Variants in ATP2C2 observed in about 807,000 individuals in gnomAD.
ATP2C2 encodes the protein ATPase secretory pathway Ca2+ transporting 2, also known as calcium-transporting ATPase type 2C member 2.
ATP2C2 carries 171 observed loss-of-function variants against 110.8 expected under a neutral mutation model. The ratio of observed to expected loss-of-function variants is 1.54; its 90% CI spans 1.36 to 1.75. ATP2C2 has a LOEUF of 1.75. Among genes scored for constraint, ATP2C2 ranks in the 40% most tolerant of loss-of-function variants. The pLI is 0.00. For missense variants in ATP2C2, 1,963 were observed against 1,235.0 expected (o/e 1.59, Z -8.84); for synonymous variants, 804 against 508.4 (o/e 1.58, Z -7.82).
At chr16:84,461,156 G>A in intron 24 of ATP2C2, 1 of 286,962 alleles carries the variant, frequency 3.5e-6, no homozygotes, top group East Asian at 8.0e-5. Flanking sequence ...CACTCTAGAG[G>A]TGATTGTTTG....
At position 84,453,372 on chromosome 16, in the gene ATP2C2, G is replaced by C. The variant is rs117469689; in HGVS notation, c.1980+1G>C. On this transcript the variant is annotated splice_donor_variant, in intron 20 of 26. Coordinates refer to ENST00000262429, the MANE Select transcript of ATP2C2 (RefSeq NM_014861.4). LOFTEE classifies it high-confidence loss of function. ...AAAGCACAAGCTCAAAATCATCAAG[G>C]TTCGCTGGGCAAGGCAGGCACAGGC... The C allele has an allele frequency of 6.2e-7, 1 of 1,614,180 alleles. No homozygotes were observed. The highest frequency in any genetic ancestry group is 8.5e-7 in the Non-Finnish European group (1 of 1,180,012).
intron 2 of ATP2C2, among the ~76,000 whole-genome samples, chr16:84,403,083 G>C (rs1292229348): frequency 1.3e-5 from 2 of 151,860 alleles, no homozygotes; most frequent in African/African-American, 4.8e-5. Context: ...GTTGCTCCTG[G>C]TAGCCACTAA....
intron 11 of ATP2C2, 44 bp from the exon 12 acceptor site, chr16:84,439,122 T>A: frequency 1.2e-6 from 2 of 1,607,444 alleles, no homozygotes; most frequent in Non-Finnish European, 1.7e-6. Context: ...AGTCACACAC[T>A]CCTTAAATGT....
Position 84,412,386 on chromosome 16 carries a change from ATGTGTCTGTG to A in ATP2C2, c.515+1632_515+1641del, listed in dbSNP as rs1183713880. Among the ~76,000 whole-genome samples, 11 of 98,272 alleles carry A rather than the reference ATGTGTCTGTG, an allele frequency of 1.1e-4. No individual in the cohort carries two copies. In the East Asian group the frequency reaches 2.2e-3, roughly 20 times the overall value. The allele number at this position is 98,272 out of a possible 152,430, so 64.5% of individuals were successfully genotyped here. ...TGCATGTGTGTGTGCGTGTGTGTAT[ATGTGTCTGTG>A]TGTGTCTGTGCATGTGTCTGTGTAT... is the stretch of plus-strand genomic sequence containing the variant. On this transcript the variant is annotated intron_variant, in intron 6 of 26. Coordinates refer to ENST00000262429, the MANE Select transcript of ATP2C2 (RefSeq NM_014861.4).
intron 2 of ATP2C2, among the ~76,000 whole-genome samples, chr16:84,401,804 G>C (rs1042737410): frequency 8.6e-5 from 13 of 152,012 alleles, no homozygotes; most frequent in Non-Finnish European, 1.5e-5. Flanking sequence ...GATAGCTTTG[G>C]CTATTCTGGG....
At chr16:84,382,362 C>A (rs56321618) in intron 1 of ATP2C2, among the ~76,000 whole-genome samples, 10,683 of 152,274 alleles carry the variant, frequency 0.07, 487 homozygotes, top group Middle Eastern at 0.11. Flanking sequence ...ACATGTGCTA[C>A]ATTTTCTTTA....
intron 17 of ATP2C2, among the ~76,000 whole-genome samples, chr16:84,451,238 C>T (rs1224263380): frequency 6.6e-6 from 1 of 152,154 alleles, no homozygotes; most frequent in East Asian, 1.9e-4. Flanking sequence ...TATTCACTAC[C>T]ACAGAGCATT....
intron 1 of ATP2C2, among the ~76,000 whole-genome samples, chr16:84,380,173 A>G (rs914733133): frequency 1.3e-5 from 2 of 152,016 alleles, no homozygotes; most frequent in African/African-American, 4.8e-5. Context: ...AAAGTCTATA[A>G]ATAGCCAGTC....
rs910060412 is a variant in ATP2C2 at position 84,435,229 on chromosome 16, C to G, written c.987-3937C>G. Among the ~76,000 whole-genome samples, 128 of 152,346 alleles carry G rather than the reference C, an allele frequency of 8.4e-4. 1 individual carries two copies. Among genetic ancestry groups the G allele is most frequent in the African/African-American group, 2.9e-3 (122 of 41,580 alleles). Reference sequence around the variant, plus strand: ...CAACTCCTCTGAAATCAGATCACTTCTAATAAGTGATGTAATTAGAAAACA... The same window carrying G: ...CAACTCCTCTGAAATCAGATCACTTGTAATAAGTGATGTAATTAGAAAACA... On this transcript the variant is annotated intron_variant, in intron 11 of 26. Coordinates refer to ENST00000262429, the MANE Select transcript of ATP2C2 (RefSeq NM_014861.4).
At chr16:84,393,904 T>C (rs13337057) in intron 1 of ATP2C2, among the ~76,000 whole-genome samples, 49,148 of 150,966 alleles carry the variant, frequency 0.33, 8,263 homozygotes, top group African/African-American at 0.39. Context: ...ACCTGTAATC[T>C]TAGCACTGTA....
At chr16:84,436,346 G>A (rs1908734291) in intron 11 of ATP2C2, among the ~76,000 whole-genome samples, 1 of 152,164 alleles carries the variant, frequency 6.6e-6, no homozygotes, top group Non-Finnish European at 1.5e-5. Flanking sequence ...TTTAGAGGAG[G>A]GCCTGGGCTC....
Position 84,444,162 on chromosome 16 carries a change from C to CAAAAAAAAAAAAA in ATP2C2, c.1401+1573_1401+1585dup, listed in dbSNP as rs71151217. Among the ~76,000 whole-genome samples, 95 of 104,542 alleles carry CAAAAAAAAAAAAA rather than the reference C, an allele frequency of 9.1e-4. 1 individual carries two copies. The highest frequency in any genetic ancestry group is 1.3e-3 in the Non-Finnish European group (70 of 52,770). 68.6% of individuals were successfully genotyped at this position (104,542 alleles called of 152,430 possible). A position where few individuals can be genotyped will look rare whatever the true frequency, so the allele number is the denominator to read the frequency against. Reference sequence around the variant, plus strand: ...AGTCTAGATGAGAGAGATCCTGCCTCAAAAAAAAAAAAAAAAAAAAAACAA... The same window carrying CAAAAAAAAAAAAA: ...AGTCTAGATGAGAGAGATCCTGCCTCAAAAAAAAAAAAAAAAAAAAAAAAAAAAAAAAAAACAA... On this transcript the variant is annotated intron_variant, in intron 15 of 26. Transcript: ENST00000262429.
chr16:84,424,756 C>T (rs1907660986), intron 10 of ATP2C2, among the ~76,000 whole-genome samples: 1 of 152,008 alleles, frequency 6.6e-6, no homozygotes, highest in Middle Eastern at 3.2e-3. Flanking sequence ...TGCAAATACT[C>T]TCAGTGTGGC....
intron 11 of ATP2C2, among the ~76,000 whole-genome samples, chr16:84,434,960 A>G (rs1391389211): frequency 6.6e-6 from 1 of 152,226 alleles, no homozygotes; most frequent in African/African-American, 2.4e-5. Context: ...TGGTCTTCAC[A>G]GCCTGTGCCA....
Position 84,462,117 on chromosome 16 carries a change from C to T in ATP2C2, c.2710C>T (p.Leu904=). 1.2e-6 allele frequency: 2 copies of T among 1,613,392 alleles called. No homozygotes were observed. The highest frequency in any genetic ancestry group is 8.5e-7 in the Non-Finnish European group (1 of 1,179,604). ...GCAGAGGGTCTTCCAGACGGAGAAC[C>T]TGGGAGCGCTTGGTGAGTGGTGGGG... is the stretch of plus-strand genomic sequence containing the variant. ...PLQRVFQTEN[L]GALDLLFLTG... Residue 904 remains leucine (L), a synonymous_variant, in exon 26 of 27, where the codon CTG becomes TTG. Coordinates refer to ENST00000262429, the MANE Select transcript of ATP2C2 (RefSeq NM_014861.4).
At chr16:84,448,731 G>A (rs1909991639) in intron 17 of ATP2C2, 42 bp downstream of exon 17, 1 of 1,578,110 alleles carries the variant, frequency 6.3e-7, no homozygotes, top group East Asian at 2.3e-5. Context: ...AAGCTTGCAT[G>A]TAACATTGAC....
intron 1 of ATP2C2, among the ~76,000 whole-genome samples, chr16:84,390,824 GAA>G (rs1398074592): frequency 6.6e-6 from 1 of 152,106 alleles, no homozygotes; most frequent in Admixed American, 6.5e-5. Flanking sequence ...AAACACAAAA[GAA>G]AAGGGGGCCG....
At chr16:84,455,480 G>A (rs983537061) in intron 21 of ATP2C2, among the ~76,000 whole-genome samples, 22 of 152,294 alleles carry the variant, frequency 1.4e-4, no homozygotes, top group African/African-American at 4.6e-4. Flanking sequence ...CGCTGACCAC[G>A]GAGGTGCTCT....
intron 1 of ATP2C2, among the ~76,000 whole-genome samples, chr16:84,379,769 T>A (rs1910469203): frequency 6.6e-6 from 1 of 152,164 alleles, no homozygotes; most frequent in South Asian, 2.1e-4. Flanking sequence ...AAAGCGCTGA[T>A]CCTACTGGGT....
Sources: gnomAD v4.1 joint callset for allele counts (sites outside exome capture counted in the v4.1 genomes callset) on GRCh38, gnomAD v4.1.1 for gene constraint, MANE v1.5 for transcripts, NCBI Gene and HGNC (gene_info 2026-07-23, HGNC 2026-07-21) for gene names.